RAB35: variants seen among roughly 807,000 people sequenced by gnomAD.
RAB35 encodes the protein ras-related protein Rab-35.
Under a neutral mutation model 28.9 loss-of-function variants are expected in RAB35, and 4 were observed. The observed-to-expected ratio is 0.14, with a 90% CI of 0.07 to 0.32. RAB35 has a LOEUF of 0.32. Ranked by LOEUF, RAB35 falls within the 10% of genes least tolerant of loss-of-function variation. The probability of loss-of-function intolerance (pLI) is 1.00; values close to 1 mark genes in which losing one functional copy is unlikely to be tolerated. For missense variants in RAB35, 128 were observed against 274.0 expected (o/e 0.47, Z 3.76); for synonymous variants, 99 against 105.1 (o/e 0.94, Z 0.35).
chr12:120,113,710 C>T (rs1185815825), intron 1 of RAB35, among the ~76,000 whole-genome samples: 2 of 151,068 alleles, frequency 1.3e-5, no homozygotes, highest in East Asian at 3.9e-4. Context: ...CCCACCTACT[C>T]GGGAGGCTGA....
Position 120,106,481 on chromosome 12 carries a change from T to C in RAB35, c.103+1936A>G, listed in dbSNP as rs560731471. Among the ~76,000 whole-genome samples the C allele has an allele frequency of 2.1e-4, 32 of 152,298 alleles. No individual in the cohort carries two copies. In the East Asian group the frequency reaches 5.6e-3, roughly 27 times the overall value. ...TAAGGTCACACAGAGCAGCCATCTC[T>C]TTCTAACACCACACCACTAGTGAGA... On this transcript the variant is annotated intron_variant, in intron 2 of 5. Transcript: ENST00000229340.
intron 5 of RAB35, among the ~76,000 whole-genome samples, chr12:120,098,299 A>T (rs956902133): frequency 6.6e-6 from 1 of 152,256 alleles, no homozygotes; most frequent in Non-Finnish European, 1.5e-5. Flanking sequence ...AGAGAGGTGA[A>T]GTCACCGCCC....
intron 5 of RAB35, among the ~76,000 whole-genome samples, 161 bp downstream of exon 5, chr12:120,098,650 A>T (rs1875532902): frequency 6.6e-6 from 1 of 152,266 alleles, no homozygotes; most frequent in Non-Finnish European, 1.5e-5. Flanking sequence ...CTGTTGAACT[A>T]TGAACTAAGA....
chr12:120,098,906 T>G lies in RAB35; in HGVS notation c.382A>C (p.Lys128Gln). 1 of 1,614,204 alleles carries G rather than the reference T, an allele frequency of 6.2e-7. No individual in the cohort carries two copies. Among genetic ancestry groups the G allele is most frequent in the Non-Finnish European group, 8.5e-7 (1 of 1,180,044 alleles). Residue 128 changes from lysine (K) to glutamine (Q), a missense_variant, in exon 5 of 6, where the codon AAG (lysine) becomes CAG (glutamine). Lys to Gln is a moderately conservative substitution (Grantham distance 53). Coordinates refer to ENST00000229340, the MANE Select transcript of RAB35 (RefSeq NM_006861.7). ...VGNKNDDPER[K>Q]VVETEDAYKF... Reference sequence around the variant, plus strand: ...TAGGCATCTTCCGTCTCCACCACCTTCCGCTCAGGGTCGTCATTCTTATTA... The same window carrying G: ...TAGGCATCTTCCGTCTCCACCACCTGCCGCTCAGGGTCGTCATTCTTATTA...
Position 120,095,921 on chromosome 12 carries a change from C to CTAAAAAA in RAB35, c.*1323_*1324insTTTTTTA. 6.5e-6 allele frequency: 1 copy of CTAAAAAA among 154,642 alleles called. No individual in the cohort carries two copies. Among genetic ancestry groups the CTAAAAAA allele is most frequent in the Non-Finnish European group, 1.4e-5 (1 of 70,168 alleles). 9.6% of individuals were successfully genotyped at this position (154,642 alleles called of 1,614,324 possible). ...TCGGTTCTTCCCAGGTCACTTGATCCCTGTAGTGGGAGGGGAATGAGGTGT... is the reference window on the plus strand; with the variant it reads ...TCGGTTCTTCCCAGGTCACTTGATCCTAAAAAACTGTAGTGGGAGGGGAATGAGGTGT... On this transcript the variant is annotated 3_prime_UTR_variant, in exon 6 of 6. Transcript: ENST00000229340.
chr12:120,099,299 C>G, intron 3 of RAB35, 145 bp from the exon 4 acceptor site: 3 of 1,056,486 alleles, frequency 2.8e-6, no homozygotes, highest in Non-Finnish European at 4.0e-6. Flanking sequence ...TCGGCAGATG[C>G]CCCCGAGCCA....
chr12:120,108,490 A>G, intron 1 of RAB35, 23 bp from the exon 2 acceptor site: 1 of 1,611,936 alleles, frequency 6.2e-7, no homozygotes, highest in Non-Finnish European at 8.5e-7. Flanking sequence ...AAGCACTGCG[A>G]TGAGGGGGGC....
chr12:120,099,351 C>T lies in RAB35; in HGVS notation c.228-197G>A, dbSNP rs568351069. The T allele has an allele frequency of 2.2e-3, 1,477 of 685,922 alleles. 3 individuals are homozygous for T. Among genetic ancestry groups the T allele is most frequent in the Non-Finnish European group, 3.0e-3 (1,260 of 417,260 alleles). The allele number at this position is 685,922 out of a possible 1,614,324, so 42.5% of individuals were successfully genotyped here. On this transcript the variant is annotated intron_variant, in intron 3 of 5. Transcript: ENST00000229340. ...GAGGCTACTGCGGCAGCACTGACTC[C>T]CCCTGCCCGCCCGGGGCACCAACAG...
rs370309707 is a variant in RAB35 at position 120,099,161 on chromosome 12, G to A, written c.228-7C>T. On this transcript the variant is annotated splice_polypyrimidine_tract_variant and splice_region_variant and intron_variant, in intron 3 of 5. Transcript: ENST00000229340. ...GTGGGTCCCCCGATAATACCTGCAG[G>A]GCCAGAGTGTGCGGCAGCATGTCAA... 1 of 1,614,060 alleles carries A rather than the reference G, an allele frequency of 6.2e-7. No individual in the cohort carries two copies. Among genetic ancestry groups the A allele is most frequent in the African/African-American group, 1.3e-5 (1 of 74,958 alleles).
Position 120,097,081 on chromosome 12 carries a change from G to A in RAB35, c.*164C>T, listed in dbSNP as rs1048697191. On this transcript the variant is annotated 3_prime_UTR_variant, in exon 6 of 6. Transcript: ENST00000229340. ...CTGGTCCAACACCTTCTTGGCACTCGAGGAGGGCGGGGGAGGAAGTGCCGA... is the reference window on the plus strand; with the variant it reads ...CTGGTCCAACACCTTCTTGGCACTCAAGGAGGGCGGGGGAGGAAGTGCCGA... 49 of 1,554,892 alleles carry A rather than the reference G, an allele frequency of 3.2e-5. No homozygotes were observed. The highest frequency in any genetic ancestry group is 3.1e-5 in the Non-Finnish European group (36 of 1,157,318).
intron 5 of RAB35, among the ~76,000 whole-genome samples, chr12:120,097,841 T>C (rs1293920324): frequency 6.6e-6 from 1 of 151,922 alleles, no homozygotes; most frequent in Non-Finnish European, 1.5e-5. Context: ...TTCCAGTCCT[T>C]CTTTTAGAGA....
rs1439593228 is a variant in RAB35 at position 120,098,106 on chromosome 12, G to A, written c.477+705C>T. Among the ~76,000 whole-genome samples the A allele has an allele frequency of 2.6e-5, 4 of 152,066 alleles. No homozygotes were observed. The East Asian group carries it at 7.7e-4, about 29-fold the overall frequency. ...CCACCATGTTAGCCAGGATGGTCTC[G>A]ATCTCCTGACCTCGTGATCCGCCCG... On this transcript the variant is annotated intron_variant, in intron 5 of 5. Coordinates refer to ENST00000229340, the MANE Select transcript of RAB35 (RefSeq NM_006861.7).
At chr12:120,106,049 G>C (rs1398620234) in intron 2 of RAB35, among the ~76,000 whole-genome samples, 2 of 151,960 alleles carry the variant, frequency 1.3e-5, no homozygotes, top group African/African-American at 4.8e-5. Context: ...GACCCTACCA[G>C]ACACACACAT....
chr12:120,105,088 T>G (rs1460440438), intron 2 of RAB35, among the ~76,000 whole-genome samples: 2 of 152,072 alleles, frequency 1.3e-5, no homozygotes, highest in Non-Finnish European at 2.9e-5. Context: ...TTATGTGAAA[T>G]GTGGCAAGGG....
At chr12:120,105,384 A>C (rs1875828551) in intron 2 of RAB35, among the ~76,000 whole-genome samples, 1 of 152,220 alleles carries the variant, frequency 6.6e-6, no homozygotes, top group Admixed American at 6.5e-5. Flanking sequence ...CTAACGAACC[A>C]AGCAAGCCAA....
chr12:120,104,134 T>G (rs1875772041), intron 2 of RAB35, among the ~76,000 whole-genome samples, 185 bp from the exon 3 acceptor site: 1 of 151,116 alleles, frequency 6.6e-6, no homozygotes, highest in African/African-American at 2.4e-5. Flanking sequence ...CACACACAAG[T>G]GAAGGAGGGA....
At chr12:120,110,357 A>G (rs1876068763) in intron 1 of RAB35, among the ~76,000 whole-genome samples, 1 of 131,270 alleles carries the variant, frequency 7.6e-6, no homozygotes, top group Admixed American at 9.3e-5. Context: ...TGGTGCGATC[A>G]TAACTCACTC....
At chr12:120,109,145 CT>C (rs1425555759) in intron 1 of RAB35, among the ~76,000 whole-genome samples, 1 of 152,202 alleles carries the variant, frequency 6.6e-6, no homozygotes, top group Non-Finnish European at 1.5e-5. Flanking sequence ...GCCTCCCCCA[CT>C]TTTTTTGTAA....
chr12:120,107,679 C>T (rs1240674719), intron 2 of RAB35, among the ~76,000 whole-genome samples: 1 of 151,848 alleles, frequency 6.6e-6, no homozygotes, highest in Admixed American at 6.6e-5. Flanking sequence ...CCAGCCTGAC[C>T]AACATGGTGA....
Sources: gnomAD v4.1 joint callset for allele counts (sites outside exome capture counted in the v4.1 genomes callset) on GRCh38, gnomAD v4.1.1 for gene constraint, MANE v1.5 for transcripts, NCBI Gene and HGNC (gene_info 2026-07-23, HGNC 2026-07-21) for gene names.